The following CARD8 variants were observed in gnomAD, a reference collection of about 807,000 sequenced individuals.
The protein encoded by CARD8 is caspase recruitment domain family member 8.
A neutral mutation model predicts 53.2 loss-of-function variants in CARD8; 38 were observed. That is an observed-to-expected ratio of 0.71 (90% CI 0.55 to 0.94). CARD8 has a LOEUF of 0.94. Ranked by LOEUF, CARD8 falls within the 40% of genes least tolerant of loss-of-function variation. CARD8 has a pLI of 0.00. For synonymous variants in CARD8, 245 were observed against 244.9 expected (o/e 1.00, Z 0.00); for missense variants, 561 against 655.5 (o/e 0.86, Z 1.57).
chr19:48,232,014 C>A (rs2042995968), intron 7 of CARD8: 2 of 664,096 alleles, frequency 3.0e-6, no homozygotes, highest in African/African-American at 3.5e-5. Context: ...TAAACGTATA[C>A]ACCAAATTCC....
intron 3 of CARD8, among the ~76,000 whole-genome samples, chr19:48,245,214 CT>C (rs892213234): frequency 6.6e-6 from 1 of 151,580 alleles, no homozygotes; most frequent in African/African-American, 2.4e-5. Flanking sequence ...GAGAAAGAAT[CT>C]TTTTTTTTCT....
In CARD8 at chr19:48,219,028, C is replaced by G; in HGVS notation, c.1162-16G>C. The G allele has an allele frequency of 6.2e-7, 1 of 1,613,682 alleles. No homozygotes were observed. Among genetic ancestry groups the G allele is most frequent in the Non-Finnish European group, 8.5e-7 (1 of 1,179,678 alleles). On this transcript the variant is annotated splice_polypyrimidine_tract_variant and intron_variant, in intron 11 of 13. Transcript: ENST00000651546. ...ATTTCAACTCCTAGAGGAAACACAT[C>G]AGTTGACTTGAAGCAGTGGAGGGTG...
chr19:48,248,315 G>A (rs1419864998), intron 3 of CARD8, among the ~76,000 whole-genome samples: 1 of 151,990 alleles, frequency 6.6e-6, no homozygotes, highest in Non-Finnish European at 1.5e-5. Context: ...AAATGGCTGA[G>A]ACCAGTCTGT....
intron 5 of CARD8, among the ~76,000 whole-genome samples, chr19:48,238,015 T>C (rs1038097475): frequency 1.3e-5 from 2 of 151,764 alleles, no homozygotes; most frequent in Non-Finnish European, 2.9e-5. Context: ...CTCAGCCTCC[T>C]GAGTAGCTGG....
chr19:48,247,615 T>C (rs1400449970), intron 3 of CARD8, among the ~76,000 whole-genome samples: 2 of 151,970 alleles, frequency 1.3e-5, no homozygotes, highest in African/African-American at 4.8e-5. Context: ...CCACAGTACA[T>C]ATTCAACTGT....
rs2038009662 is a variant in CARD8 at position 48,211,754 on chromosome 19, T to C, written c.1570A>G (p.Arg524Gly). ...AGATAGGACACGAGGTAAGGGTCCCTTTCACTAATGCTTCTGAAGAGCACG... is the reference window on the plus strand; with the variant it reads ...AGATAGGACACGAGGTAAGGGTCCCCTTCACTAATGCTTCTGAAGAGCACG... Reference protein sequence around the residue: ...LDVLFRSISERDPYLVSYLRQ... With the variant: ...LDVLFRSISEGDPYLVSYLRQ... Residue 524 changes from arginine to glycine, a missense_variant, in exon 14 of 14, where the codon AGG (arginine) becomes GGG (glycine). Coordinates refer to ENST00000651546, the MANE Select transcript of CARD8 (RefSeq NM_001184900.3). 1 of 1,614,166 alleles carries C rather than the reference T, an allele frequency of 6.2e-7. No homozygotes were observed. The highest frequency in any genetic ancestry group is 8.5e-7 in the Non-Finnish European group (1 of 1,180,036).
At chr19:48,229,253 G>A (rs1027011537) in intron 10 of CARD8, among the ~76,000 whole-genome samples, 1 of 151,164 alleles carries the variant, frequency 6.6e-6, no homozygotes, top group Admixed American at 6.6e-5. Flanking sequence ...GTGAAACAAT[G>A]AGGTTTTTCC....
chr19:48,204,268 A>T (rs1321342374), downstream of CARD8: 1 of 446,350 alleles, frequency 2.2e-6, no homozygotes, highest in Admixed American at 2.4e-5. Flanking sequence ...GACGGGGATT[A>T]GAGACCTCGC....
chr19:48,230,204 G>A (rs1164234360), intron 10 of CARD8, among the ~76,000 whole-genome samples: 1 of 152,172 alleles, frequency 6.6e-6, no homozygotes, highest in African/African-American at 2.4e-5. Flanking sequence ...CTTCTTGAGA[G>A]CCAGAAAAGG....
Position 48,243,810 on chromosome 19 carries a change from C to T in CARD8, c.-43-2747G>A, listed in dbSNP as rs116783419. The stretch of plus-strand genomic sequence containing the variant: ...AGGTCGCAGTGAGCTATGATGGCGC[C>T]GCTGCATTCCAGTCTGGGCGACAAA... On this transcript the variant is annotated intron_variant, in intron 3 of 13. Transcript: ENST00000651546. 4.5e-3 allele frequency among the ~76,000 whole-genome samples: 682 copies of T among 152,274 alleles called. 5 individuals are homozygous for T. The highest frequency in any genetic ancestry group is 0.013 in the African/African-American group (549 of 41,552).
chr19:48,250,382 T>C (rs1424827612), intron 1 of CARD8, among the ~76,000 whole-genome samples: 2 of 152,182 alleles, frequency 1.3e-5, no homozygotes, highest in African/African-American at 2.4e-5. Flanking sequence ...TTGTTTAAGG[T>C]TGCAATGACC....
rs1033132601 is a variant in CARD8 at position 48,232,594 on chromosome 19, C to T, written c.351-101G>A. The T allele has an allele frequency of 5.2e-5, 51 of 973,502 alleles. No homozygotes were observed. The African/African-American group carries it at 6.9e-4, about 13-fold the overall frequency. The allele number at this position is 973,502 out of a possible 1,614,324, so 60.3% of individuals were successfully genotyped here. A position where few individuals can be genotyped will look rare whatever the true frequency, so the allele number is the denominator to read the frequency against. On this transcript the variant is annotated intron_variant, in intron 6 of 13. Coordinates refer to ENST00000651546, the MANE Select transcript of CARD8 (RefSeq NM_001184900.3). ...ATTGAAAACTAGAGCTGCACTGTCCCGTAGAGTAGCCGCTACCCGGATATG... is the reference window on the plus strand; with the variant it reads ...ATTGAAAACTAGAGCTGCACTGTCCTGTAGAGTAGCCGCTACCCGGATATG...
chr19:48,231,064 G>A, intron 8 of CARD8, 58 bp from the exon 9 acceptor site: 2 of 1,393,432 alleles, frequency 1.4e-6, no homozygotes, highest in African/African-American at 1.4e-5. Flanking sequence ...GATTTAAGCA[G>A]CGATGTGCAG....
rs1487998267 is a variant in CARD8 at position 48,230,973 on chromosome 19, C to T, written c.576G>A (p.Trp192Ter). 6.8e-6 allele frequency: 11 copies of T among 1,614,000 alleles called. No individual in the cohort carries two copies. In the African/African-American group the frequency reaches 1.1e-4, roughly 16 times the overall value. The change falls in exon 9 of 14, where the codon TGG becomes TGA. Residue 192 changes from tryptophan to a stop codon, truncating the protein, a stop_gained. Coordinates refer to ENST00000651546, the MANE Select transcript of CARD8 (RefSeq NM_001184900.3). LOFTEE classifies it high-confidence loss of function. ...CCAGGAAGCCGAGGCCTGTGGCTGA[C>T]CACAGATACCAGCCAGCAGTGGGGA... ...VWFPTAGWYL[W>*]SATGLGFLVR...
chr19:48,245,296 G>A (rs993326164), intron 3 of CARD8, among the ~76,000 whole-genome samples: 3 of 152,098 alleles, frequency 2.0e-5, no homozygotes, highest in Admixed American at 6.6e-5. Context: ...TGCAACCTCT[G>A]CATCCTGGGT....
chr19:48,216,792 A>G (rs1029515769), intron 12 of CARD8, among the ~76,000 whole-genome samples: 2 of 152,170 alleles, frequency 1.3e-5, no homozygotes, highest in Admixed American at 6.5e-5. Flanking sequence ...AGTGGAAGAC[A>G]ATTTTTTCCA....
intron 3 of CARD8, among the ~76,000 whole-genome samples, chr19:48,247,260 G>A (rs2146964893): frequency 6.6e-6 from 1 of 152,230 alleles, no homozygotes. Flanking sequence ...GAAGTCATAG[G>A]TTGCAGTGAG....
At chr19:48,255,449 G>A (rs9676777) in intron 1 of CARD8, among the ~76,000 whole-genome samples, 35,124 of 152,098 alleles carry the variant, frequency 0.23, 4,167 homozygotes, top group Middle Eastern at 0.33. Context: ...AAGTTATACA[G>A]TTACAGTGTA....
Position 48,215,501 on chromosome 19 carries a change from C to G in CARD8, c.1304-117G>C, listed in dbSNP as rs193011716. ...ATTTAATTCTACATATGTCATAAGG[C>G]TCTTGTTTTGCACACTAATACACTG... is the stretch of plus-strand genomic sequence containing the variant. On this transcript the variant is annotated intron_variant, in intron 12 of 13. Transcript: ENST00000651546. 373 of 716,592 alleles carry G rather than the reference C, an allele frequency of 5.2e-4. No individual in the cohort carries two copies. The African/African-American group carries it at 5.7e-3, about 11-fold the overall frequency. The allele number at this position is 716,592 out of a possible 1,614,324, so 44.4% of individuals were successfully genotyped here.
Sources: gnomAD v4.1 joint callset for allele counts (sites outside exome capture counted in the v4.1 genomes callset) on GRCh38, gnomAD v4.1.1 for gene constraint, MANE v1.5 for transcripts, NCBI Gene and HGNC (gene_info 2026-07-23, HGNC 2026-07-21) for gene names.